NXPE2: variants seen among roughly 807,000 people sequenced by gnomAD.
The protein encoded by NXPE2 is neurexophilin and PC-esterase domain family member 2.
Under a neutral mutation model 34.4 loss-of-function variants are expected in NXPE2, and 34 were observed. The ratio of observed to expected loss-of-function variants is 0.99; its 90% CI spans 0.75 to 1.31. The LOEUF (loss-of-function observed/expected upper bound fraction) is 1.31, where lower values mean the gene tolerates loss of function less well. Ranked by LOEUF, NXPE2 falls within the 40% of genes most tolerant of loss-of-function variation. NXPE2 has a pLI of 0.00. For missense variants in NXPE2, 649 were observed against 672.5 expected, an observed-to-expected ratio of 0.97 and a Z score of 0.39; for synonymous variants, 235 against 231.3, an observed-to-expected ratio of 1.02 and a Z score of -0.15.
chr11:114,663,852 C>T, the NXPE2 span, among the ~76,000 whole-genome samples: 1 of 152,012 alleles, frequency 6.6e-6, no homozygotes, highest in Non-Finnish European at 1.5e-5. Context: ...TAAAAAGATG[C>T]TCAGCATAAT....
chr11:114,726,685 T>C, the NXPE2 span, among the ~76,000 whole-genome samples: 10 of 152,098 alleles, frequency 6.6e-5, no homozygotes, highest in African/African-American at 2.4e-4. Context: ...TATTTTTCTA[T>C]AAGGTGTCAG....
the NXPE2 span, among the ~76,000 whole-genome samples, chr11:114,596,700 A>C: frequency 6.6e-6 from 1 of 152,198 alleles, no homozygotes; most frequent in Admixed American, 6.6e-5. Flanking sequence ...CTATAATAAG[A>C]AAAAAGTATT....
At chr11:114,684,153 C>T (rs1950998959) in intron 2 of NXPE2, among the ~76,000 whole-genome samples, 2 of 152,024 alleles carry the variant, frequency 1.3e-5, no homozygotes, top group South Asian at 4.2e-4. Flanking sequence ...GGAGGCCAGG[C>T]CCGGTGGCTT....
At chr11:114,698,933 C>A (rs894626578) in intron 3 of NXPE2, among the ~76,000 whole-genome samples, 155 bp downstream of exon 3, 20 of 152,134 alleles carry the variant, frequency 1.3e-4, no homozygotes, top group African/African-American at 4.8e-4. Flanking sequence ...AGTGTGTTCA[C>A]AGGGATCCAT....
the NXPE2 span, among the ~76,000 whole-genome samples, chr11:114,491,654 A>T: frequency 2.0e-5 from 3 of 152,228 alleles, no homozygotes; most frequent in Non-Finnish European, 4.4e-5. Flanking sequence ...CCATCCCATT[A>T]CTGGGTATAT....
At chr11:114,515,004 T>C in the NXPE2 span, among the ~76,000 whole-genome samples, 1 of 152,122 alleles carries the variant, frequency 6.6e-6, no homozygotes, top group African/African-American at 2.4e-5. Flanking sequence ...ACCAACTTTT[T>C]TTATTTGCAA....
chr11:114,719,395 G>C, the NXPE2 span, among the ~76,000 whole-genome samples: 1 of 152,206 alleles, frequency 6.6e-6, no homozygotes, highest in East Asian at 1.9e-4. Context: ...TGTCCTGGGG[G>C]ATATGAGGAG....
chr11:114,712,732 G>A, the NXPE2 span, among the ~76,000 whole-genome samples: 55 of 152,274 alleles, frequency 3.6e-4, no homozygotes, highest in African/African-American at 1.3e-3. Context: ...CAAATTAAAA[G>A]TAGAATTGCC....
At chr11:114,598,435 C>G in the NXPE2 span, among the ~76,000 whole-genome samples, 2 of 152,212 alleles carry the variant, frequency 1.3e-5, no homozygotes, top group Non-Finnish European at 2.9e-5. Context: ...GGCTCCAGCC[C>G]CACATTGTCC....
At chr11:114,772,938 G>C in the NXPE2 span, among the ~76,000 whole-genome samples, 2 of 152,112 alleles carry the variant, frequency 1.3e-5, no homozygotes, top group Non-Finnish European at 2.9e-5. Flanking sequence ...TGGCATTCCA[G>C]GATCTTATTT....
At chr11:114,621,108 C>A in the NXPE2 span, among the ~76,000 whole-genome samples, 1 of 152,154 alleles carries the variant, frequency 6.6e-6, no homozygotes, top group Non-Finnish European at 1.5e-5. Flanking sequence ...TGGGAAACCA[C>A]TGTTACCCTG....
intron 3 of NXPE2, among the ~76,000 whole-genome samples, chr11:114,703,217 A>T (rs549148547): frequency 6.6e-6 from 1 of 152,344 alleles, no homozygotes; most frequent in South Asian, 2.1e-4. Flanking sequence ...TTTTTATACC[A>T]GTTAGGGAGC....
the NXPE2 span, among the ~76,000 whole-genome samples, chr11:114,610,634 C>T: frequency 3.9e-5 from 6 of 151,922 alleles, no homozygotes; most frequent in South Asian, 2.1e-4. Flanking sequence ...TAAGTGTTGC[C>T]TCATGGGTAA....
the NXPE2 span, among the ~76,000 whole-genome samples, chr11:114,740,753 C>G: frequency 6.6e-6 from 1 of 152,108 alleles, no homozygotes; most frequent in Admixed American, 6.5e-5. Flanking sequence ...TATCCATTGT[C>G]AAAAGTAAGG....
chr11:114,554,529 A>G, the NXPE2 span: 3 of 262,360 alleles, frequency 1.1e-5, no homozygotes, highest in Non-Finnish European at 1.8e-5. Flanking sequence ...ACTGAGGTAT[A>G]GTTATCAACA....
chr11:114,805,533 G>A, the NXPE2 span, among the ~76,000 whole-genome samples: 1 of 152,240 alleles, frequency 6.6e-6, no homozygotes, highest in Non-Finnish European at 1.5e-5. Context: ...GGCATACCAG[G>A]AGATTATATC....
the NXPE2 span, among the ~76,000 whole-genome samples, chr11:114,619,521 C>T: frequency 2.0e-5 from 3 of 151,664 alleles, no homozygotes; most frequent in African/African-American, 4.8e-5. Flanking sequence ...ACCACTGTTA[C>T]CCGGTGGAGG....
At chr11:114,777,144 AC>A in the NXPE2 span, among the ~76,000 whole-genome samples, 3 of 152,354 alleles carry the variant, frequency 2.0e-5, no homozygotes, top group East Asian at 5.8e-4. Flanking sequence ...CAGAAAACAC[AC>A]CTTCAAAAAG....
At chr11:114,595,174 C>G in the NXPE2 span, among the ~76,000 whole-genome samples, 35 of 152,158 alleles carry the variant, frequency 2.3e-4, no homozygotes, top group Admixed American at 1.6e-3. Context: ...CACATCATTA[C>G]AGTGCCTGTT....
Sources: allele counts gnomAD v4.1 joint callset (sites outside exome capture counted in the v4.1 genomes callset), GRCh38; gene constraint gnomAD v4.1.1; transcripts MANE v1.5; gene names NCBI Gene and HGNC (gene_info 2026-07-23, HGNC 2026-07-21).